GSTM2: variants seen among roughly 807,000 people sequenced by gnomAD.
GSTM2 encodes GST class-mu 2.
In GSTM2, 33 loss-of-function variants were observed where a neutral mutation model predicts 33.3. The observed-to-expected ratio is 0.99, with a 90% CI of 0.75 to 1.33. The LOEUF is 1.33. Ranked by LOEUF, GSTM2 falls within the 40% of genes most tolerant of loss-of-function variation. GSTM2 has a pLI of 0.00. For missense variants in GSTM2, 213 were observed against 265.8 expected (o/e 0.80, Z 1.38); for synonymous variants, 93 against 95.6 (o/e 0.97, Z 0.16).
downstream of GSTM2, among the ~76,000 whole-genome samples, chr1:109,675,972 A>C (rs1381764699): frequency 1.3e-5 from 2 of 152,256 alleles, no homozygotes; most frequent in Non-Finnish European, 2.9e-5. Flanking sequence ...GGGAGGCCTC[A>C]TAACCATGGC....
At chr1:109,669,152 A>T in intron 3 of GSTM2, 138 bp from the exon 4 acceptor site, 1 of 1,273,226 alleles carries the variant, frequency 7.9e-7, no homozygotes, top group South Asian at 1.2e-5. Context: ...GTCCCAGCTC[A>T]TTTATTAGTG....
downstream of GSTM2, among the ~76,000 whole-genome samples, chr1:109,677,784 ATC>A (rs1647740449): frequency 6.6e-6 from 1 of 152,222 alleles, no homozygotes; most frequent in Non-Finnish European, 1.5e-5. Flanking sequence ...CACTGTATGT[ATC>A]TTACACTTCA....
intron 7 of GSTM2, among the ~76,000 whole-genome samples, chr1:109,673,011 A>G (rs1215880864): frequency 6.6e-6 from 1 of 151,940 alleles, no homozygotes; most frequent in African/African-American, 2.4e-5. Flanking sequence ...CTGGGATTAC[A>G]GGTGTGTACC....
At chr1:109,677,291 A>G (rs1647729389), downstream of GSTM2, among the ~76,000 whole-genome samples, 1 of 152,206 alleles carries the variant, frequency 6.6e-6, no homozygotes, top group Non-Finnish European at 1.5e-5. Flanking sequence ...CCCAGGACCC[A>G]GAAATCCCAC....
intron 1 of GSTM2, 28 bp from the exon 2 acceptor site, chr1:109,668,397 G>A: frequency 6.2e-7 from 1 of 1,611,830 alleles, no homozygotes; most frequent in African/African-American, 1.3e-5. Flanking sequence ...CTCCATCTCT[G>A]ACCCGAGCTG....
Position 109,674,870 on chromosome 1 carries a change from C to T in GSTM2, c.*34C>T. 1.2e-6 allele frequency: 2 copies of T among 1,611,686 alleles called. No homozygotes were observed. The highest frequency in any genetic ancestry group is 1.7e-6 in the Non-Finnish European group (2 of 1,178,034). On this transcript the variant is annotated 3_prime_UTR_variant, in exon 8 of 8. Transcript: ENST00000241337. Reference sequence around the variant, plus strand: ...AGGCCAGGAGGTGGGAGTGAGGAGCCCATACTCAGCCTGCTGCCCAGGCTG... The same window carrying T: ...AGGCCAGGAGGTGGGAGTGAGGAGCTCATACTCAGCCTGCTGCCCAGGCTG...
intron 5 of GSTM2, 123 bp from the exon 6 acceptor site, chr1:109,671,163 AG>A: frequency 1.4e-6 from 1 of 718,860 alleles, no homozygotes; most frequent in Non-Finnish European, 2.6e-6. Flanking sequence ...ACAGTGACCC[AG>A]TTCCAGCTGT....
chr1:109,672,146 G>A (rs1450157263), intron 7 of GSTM2, among the ~76,000 whole-genome samples: 1 of 151,704 alleles, frequency 6.6e-6, no homozygotes, highest in Non-Finnish European at 1.5e-5. Flanking sequence ...TGGGCGTGGT[G>A]GCACATGCCT....
intron 7 of GSTM2, chr1:109,673,326 G>T (rs1647611910): frequency 1.3e-6 from 2 of 1,550,108 alleles, no homozygotes; most frequent in Non-Finnish European, 1.8e-6. Flanking sequence ...TCCTGGAAAT[G>T]AGTGCAGTGA....
downstream of GSTM2, among the ~76,000 whole-genome samples, chr1:109,676,027 C>G (rs446285): frequency 0.035 from 5,363 of 151,468 alleles, 317 homozygotes; most frequent in African/African-American, 0.12. Context: ...TGGCAGCAGG[C>G]AAGAGGGCGT....
At chr1:109,670,842 CTGAATATCTCCTCATCTTTCCAG>C in intron 5 of GSTM2, 1 of 156,800 alleles carries the variant, frequency 6.4e-6, no homozygotes, top group Non-Finnish European at 1.4e-5. Context: ...CACTTATCCT[CTGAATATCTCCTCATCTTTCCAG>C]AAACCACTCA....
intron 5 of GSTM2, chr1:109,670,042 G>T (rs1270628411): frequency 1.6e-5 from 1 of 60,872 alleles, no homozygotes; most frequent in Non-Finnish European, 4.2e-5. Flanking sequence ...CACTTCCACA[G>T]CCTGGAAGAC....
At chr1:109,673,404 T>C in intron 7 of GSTM2, 1 of 888,404 alleles carries the variant, frequency 1.1e-6, no homozygotes, top group Non-Finnish European at 1.7e-6. Context: ...AATCCTACAT[T>C]ACTACAGATT....
intron 7 of GSTM2, chr1:109,673,076 G>C: frequency 9.2e-7 from 1 of 1,088,214 alleles, no homozygotes; most frequent in Non-Finnish European, 1.3e-6. Context: ...TGCTATGTTG[G>C]CCAGGCTGGT....
downstream of GSTM2, among the ~76,000 whole-genome samples, chr1:109,679,970 C>T (rs1647818358): frequency 6.6e-6 from 1 of 152,176 alleles, no homozygotes; most frequent in Non-Finnish European, 1.5e-5. Context: ...CTGACTGGGA[C>T]ATCCATCTCC....
chr1:109,668,823 C>T (rs1159034795), intron 2 of GSTM2, 102 bp from the exon 3 acceptor site: 1 of 1,341,344 alleles, frequency 7.5e-7, no homozygotes, highest in African/African-American at 1.4e-5. Flanking sequence ...ATTCTAGATC[C>T]ACCTGTCTCA....
intron 5 of GSTM2, chr1:109,670,190 G>GT (rs1294456518): frequency 8.9e-6 from 1 of 112,800 alleles, no homozygotes; most frequent in African/African-American, 3.4e-5. Context: ...TGATTGGTCC[G>GT]TTTTACAGAG....
chr1:109,670,019 G>A (rs1282525370), intron 5 of GSTM2: 1 of 79,556 alleles, frequency 1.3e-5, no homozygotes, highest in Admixed American at 1.2e-4. Context: ...ATGGTGACGA[G>A]TGAAAGAAAA....
At chr1:109,681,768 A>C in intron 7 of GSTM2, 1 of 1,528,766 alleles carries the variant, frequency 6.5e-7, no homozygotes, top group Non-Finnish European at 8.9e-7. Context: ...TGAGCACAAC[A>C]CCATTATAAG....
Sources: gnomAD v4.1 joint callset for allele counts (sites outside exome capture counted in the v4.1 genomes callset) on GRCh38, gnomAD v4.1.1 for gene constraint, MANE v1.5 for transcripts, NCBI Gene and HGNC (gene_info 2026-07-23, HGNC 2026-07-21) for gene names.